Variants in POLR2B observed in about 807,000 individuals in gnomAD.
The protein encoded by POLR2B is DNA-directed RNA polymerase II subunit RPB2.
POLR2B carries 57 observed loss-of-function variants against 144.6 expected under a neutral mutation model. The observed-to-expected ratio is 0.39, with a 90% CI of 0.32 to 0.49. The LOEUF (loss-of-function observed/expected upper bound fraction) is 0.49. POLR2B is among the 20% of genes least tolerant of loss of function. The pLI, the probability that POLR2B is intolerant of heterozygous loss-of-function variation, is 0.83. For synonymous variants in POLR2B, 442 were observed against 469.8 expected (o/e 0.94, Z 0.77); for missense variants, 595 against 1,467.4 (o/e 0.41, Z 9.71).
chr4:56,998,212 T>C (rs1020489072), intron 6 of POLR2B, among the ~76,000 whole-genome samples: 1 of 151,884 alleles, frequency 6.6e-6, no homozygotes, highest in Admixed American at 6.6e-5. Context: ...AGACATTTTT[T>C]TTCTTTAAAT....
Position 57,023,488 on chromosome 4 carries a change from TGTAGC to T in POLR2B, c.2675_2679del (p.Cys892TyrfsTer6). The T allele has an allele frequency of 6.2e-7, 1 of 1,613,980 alleles. No individual in the cohort carries two copies. The highest frequency in any genetic ancestry group is 8.5e-7 in the Non-Finnish European group (1 of 1,179,840). On this transcript the variant is annotated frameshift_variant, in exon 19 of 25. Transcript: ENST00000314595. LOFTEE classifies it high-confidence loss of function. The surrounding 1 kb of genome is among the most constrained non-coding windows in gnomAD (Gnocchi z 4.3). ...CAATAGACGCTATACCAAGAGAGAC[TGTAGC>T]ACTTTTCTCAGAACTAGCGAGACGG...
chr4:56,984,400 A>G (rs1015670224), intron 1 of POLR2B, among the ~76,000 whole-genome samples: 5 of 152,110 alleles, frequency 3.3e-5, no homozygotes, highest in Admixed American at 1.3e-4. Flanking sequence ...TTATATGCCA[A>G]TGTATATCTA....
In POLR2B at chr4:57,024,120, ATG is replaced by A. The variant is rs1449942119; in HGVS notation, c.2964+10_2964+11del. The A allele has an allele frequency of 7.2e-7, 1 of 1,384,876 alleles. No homozygotes were observed. Among genetic ancestry groups the A allele is most frequent in the African/African-American group, 1.4e-5 (1 of 69,274 alleles). The allele number at this position is 1,384,876 out of a possible 1,614,324, so 85.8% of individuals were successfully genotyped here. A position where few individuals can be genotyped will look rare whatever the true frequency, so the allele number is the denominator to read the frequency against. ...GAATGCCTTCAAGGGAAGGTAAGAG[ATG>A]TTCTTCAAAAATATAGATTCTAAGC... On this transcript the variant is annotated intron_variant, in intron 21 of 24. Coordinates refer to ENST00000314595, the MANE Select transcript of POLR2B (RefSeq NM_000938.3).
At chr4:57,001,138 T>C (rs1057137279) in intron 7 of POLR2B, among the ~76,000 whole-genome samples, 1 of 152,212 alleles carries the variant, frequency 6.6e-6, no homozygotes, top group Non-Finnish European at 1.5e-5. Context: ...GCATTTTGAT[T>C]ATATGTCTTT....
chr4:57,004,228 T>TGTTGGCCAGGCTGGTCTTCACTAC (rs1004327750), intron 7 of POLR2B, among the ~76,000 whole-genome samples: 1 of 135,678 alleles, frequency 7.4e-6, no homozygotes, highest in African/African-American at 2.5e-5. Context: ...GGTTTCACTG[T>TGTTGGCCAGGCTGGTCTTCACTAC]GTTGGCCAGG....
At chr4:57,014,512 T>C (rs1723304488) in intron 13 of POLR2B, among the ~76,000 whole-genome samples, 1 of 147,022 alleles carries the variant, frequency 6.8e-6, no homozygotes. Context: ...TTCTTTTTTT[T>C]TTTTTTTTGA....
rs1378414430 is a variant in POLR2B, at chr4:57,024,920, C to G, written c.2999C>G (p.Thr1000Ser). Reference sequence around the variant, plus strand: ...AACAAGGGTGAAATTGGTGATGCCACTCCATTTAATGATGCTGTTAACGTG... The same window carrying G: ...AACAAGGGTGAAATTGGTGATGCCAGTCCATTTAATGATGCTGTTAACGTG... ...SANKGEIGDATPFNDAVNVQK... is the reference protein window; with the variant it reads ...SANKGEIGDASPFNDAVNVQK... Residue 1000 changes from threonine to serine, a missense_variant, in exon 22 of 25, where the codon ACT becomes AGT. Physicochemically the swap from Thr to Ser is moderately conservative, Grantham distance 58. This residue lies in a region of POLR2B where 65 missense variants were observed against 282.8 expected (regional missense o/e 0.23). Transcript: ENST00000314595. The G allele has an allele frequency of 6.3e-7, 1 of 1,596,122 alleles. No homozygotes were observed. The highest frequency in any genetic ancestry group is 8.6e-7 in the Non-Finnish European group (1 of 1,168,298).
intron 6 of POLR2B, among the ~76,000 whole-genome samples, chr4:56,996,205 C>CGTGT (rs1325314185): frequency 0.011 from 461 of 41,154 alleles, 2 homozygotes; most frequent in Non-Finnish European, 0.016. Flanking sequence ...TATTTCAGTT[C>CGTGT]ATGTGTGTGT....
chr4:57,015,448 AATAAT>A (rs1723334153), intron 13 of POLR2B, 49 bp from the exon 14 acceptor site: 1 of 950,930 alleles, frequency 1.1e-6, no homozygotes, highest in African/African-American at 1.7e-5. Flanking sequence ...AACTAAGCCT[AATAAT>A]AAAGAGAAAA....
chr4:57,004,131 A>G (rs565451054), intron 7 of POLR2B, among the ~76,000 whole-genome samples: 9 of 146,268 alleles, frequency 6.2e-5, no homozygotes, highest in Non-Finnish European at 8.9e-5. Context: ...GGTTCAAGCA[A>G]TTCTCCTGCC....
intron 10 of POLR2B, 35 bp downstream of exon 10, chr4:57,007,037 G>A (rs778768035): frequency 7.1e-7 from 1 of 1,415,564 alleles, no homozygotes; most frequent in Admixed American, 1.9e-5. Context: ...GGCTCAATAG[G>A]AAACATGTTT....
chr4:57,019,643 G>A (rs1381748601), intron 16 of POLR2B, among the ~76,000 whole-genome samples: 1 of 152,012 alleles, frequency 6.6e-6, no homozygotes, highest in Non-Finnish European at 1.5e-5. Context: ...TCTTCAGTAT[G>A]TGTTTCCTAA....
chr4:57,010,438 G>A lies in POLR2B; in HGVS notation c.1482G>A (p.Lys494=), dbSNP rs1414593643. The part of the protein sequence containing the change: ...RLNSPIGRDG[K]LAKPRQLHNT... The stretch of plus-strand genomic sequence containing the variant: ...ATTCTCCTATTGGTAGAGACGGCAA[G>A]CTAGCAAAACCAAGACAGTTGCATA... The change falls in exon 11 of 25, where the codon AAG becomes AAA. Residue 494 remains lysine (K), a synonymous_variant. Transcript: ENST00000314595. 6.2e-7 allele frequency: 1 copy of A among 1,614,086 alleles called. No homozygotes were observed. Among genetic ancestry groups the A allele is most frequent in the African/African-American group, 1.3e-5 (1 of 75,030 alleles).
At chr4:57,001,244 T>G (rs922948223) in intron 7 of POLR2B, among the ~76,000 whole-genome samples, 1 of 151,928 alleles carries the variant, frequency 6.6e-6, no homozygotes, top group Non-Finnish European at 1.5e-5. Flanking sequence ...ATCTCAGCTC[T>G]GCCTCCTGGG....
chr4:57,011,114 G>C lies in POLR2B; in HGVS notation c.1800+14G>C. On this transcript the variant is annotated intron_variant, in intron 13 of 24. Coordinates refer to ENST00000314595, the MANE Select transcript of POLR2B (RefSeq NM_000938.3). ...ATTGTGTCTGAAGTAAGAATCTTTA[G>C]TTAAGAGGGTGTGGACTGTGAGATT... 6.7e-7 allele frequency: 1 copy of C among 1,501,782 alleles called. No individual in the cohort carries two copies. The highest frequency in any genetic ancestry group is 9.3e-7 in the Non-Finnish European group (1 of 1,077,464). 93.0% of individuals were successfully genotyped at this position (1,501,782 alleles called of 1,614,324 possible).
chr4:57,025,670 T>A (rs1723693637), intron 23 of POLR2B, 133 bp downstream of exon 23: 2 of 599,000 alleles, frequency 3.3e-6, no homozygotes, highest in Non-Finnish European at 6.0e-6. Flanking sequence ...TATCGACTGA[T>A]GGCCAGTCTT....
intron 1 of POLR2B, among the ~76,000 whole-genome samples, chr4:56,981,004 C>T (rs1222566979): frequency 1.3e-5 from 2 of 152,044 alleles, no homozygotes; most frequent in African/African-American, 2.4e-5. Context: ...GGTTTCTCCA[C>T]GTTGGCCAGG....
chr4:57,016,783 A>C (rs1420835723), intron 14 of POLR2B, among the ~76,000 whole-genome samples: 5 of 149,800 alleles, frequency 3.3e-5, no homozygotes, highest in African/African-American at 1.2e-4. Context: ...CTTCTTCACA[A>C]GTATATACTG....
At chr4:56,986,515 T>C in intron 2 of POLR2B, 89 bp downstream of exon 2, 3 of 756,674 alleles carry the variant, frequency 4.0e-6, no homozygotes, top group Non-Finnish European at 7.1e-6. Flanking sequence ...TATATAAATA[T>C]GCTACATGAG....
Sources: allele counts gnomAD v4.1 joint callset (sites outside exome capture counted in the v4.1 genomes callset), GRCh38; gene constraint gnomAD v4.1.1; regional missense constraint gnomAD v4.1.1; non-coding constraint Gnocchi (gnomAD v3.1); transcripts MANE v1.5; gene names NCBI Gene and HGNC (gene_info 2026-07-23, HGNC 2026-07-21).